The following C5 variants were observed in gnomAD, a reference collection of about 807,000 sequenced individuals.
C5 encodes complement C5, also known as C3 and PZP-like alpha-2-macroglobulin domain-containing protein 4.
A neutral mutation model predicts 218.8 loss-of-function variants in C5; 140 were observed. That is an observed-to-expected ratio of 0.64 (90% confidence interval 0.56 to 0.74). C5 has a LOEUF of 0.74. Ranked by LOEUF, C5 falls within the 30% of genes least tolerant of loss-of-function variation. C5 has a pLI of 0.00. For missense variants in C5, 1,700 were observed against 1,969.6 expected (o/e 0.86, Z 2.59); for synonymous variants, 614 against 682.3 (o/e 0.90, Z 1.56).
intron 1 of C5, among the ~76,000 whole-genome samples, chr9:121,049,067 C>T (rs1256490098): frequency 2.6e-5 from 4 of 152,278 alleles, no homozygotes; most frequent in Admixed American, 1.3e-4. Flanking sequence ...TTACCGTTTG[C>T]TATATCTGCA....
intron 19 of C5, 78 bp from the exon 20 acceptor site, chr9:121,006,136 C>G (rs542639435): frequency 6.8e-7 from 1 of 1,460,488 alleles, no homozygotes; most frequent in Non-Finnish European, 9.6e-7. Context: ...AAATTTCTCA[C>G]ATTTGCTTTA....
chr9:121,000,398 T>A (rs1978270), intron 20 of C5, among the ~76,000 whole-genome samples: 87,624 of 151,998 alleles, frequency 0.58, 26,003 homozygotes, highest in East Asian at 0.81. Context: ...TGCCTAATAG[T>A]TATACAATAT....
chr9:120,983,766 C>T (rs940637202), intron 25 of C5, among the ~76,000 whole-genome samples: 1 of 151,934 alleles, frequency 6.6e-6, no homozygotes, highest in African/African-American at 2.4e-5. Flanking sequence ...AAGCTGAGAT[C>T]CTGCCACTGC....
chr9:121,013,957 T>G lies in C5; in HGVS notation c.2173A>C (p.Ile725Leu), dbSNP rs766583399. 1.1e-5 allele frequency: 18 copies of G among 1,614,092 alleles called. No individual in the cohort carries two copies. The highest frequency in any genetic ancestry group is 8.0e-5 in the African/African-American group (6 of 74,936). The change falls in exon 17 of 41, where the codon ATC becomes CTC. Residue 725 changes from isoleucine (I) to leucine (L), a missense_variant. Ile to Leu is a conservative substitution (Grantham distance 5). Coordinates refer to ENST00000223642, the MANE Select transcript of C5 (RefSeq NM_001735.3). Reference protein sequence around the residue: ...AARISLGPRCIKAFTECCVVA... With the variant: ...AARISLGPRCLKAFTECCVVA... ...ACACAACATTCAGTGAAAGCTTTGA[T>G]GCATCTTGGCCCTAAACTAATCCGT...
intron 5 of C5, among the ~76,000 whole-genome samples, chr9:121,033,038 GTATGTA>G (rs1467054820): frequency 2.4e-4 from 36 of 151,088 alleles, no homozygotes; most frequent in Non-Finnish European, 5.0e-4. Flanking sequence ...GTGTGTGTGT[GTATGTA>G]TGTATATATG....
At chr9:121,053,491 C>T (rs959149379), upstream of C5, among the ~76,000 whole-genome samples, 1 of 152,116 alleles carries the variant, frequency 6.6e-6, no homozygotes, top group Admixed American at 6.5e-5. Flanking sequence ...AGAACCCCCC[C>T]CGAGATAGTT....
chr9:120,995,151 C>G (rs1198480674), intron 22 of C5, among the ~76,000 whole-genome samples: 1 of 152,210 alleles, frequency 6.6e-6, no homozygotes, highest in Non-Finnish European at 1.5e-5. Flanking sequence ...TGAAATAACA[C>G]TCCTCAGTTC....
rs1280103829 is a variant in C5 at position 120,981,997 on chromosome 9, C to A, written c.3391-58G>T. The A allele has an allele frequency of 7.3e-5, 80 of 1,102,536 alleles. No individual in the cohort carries two copies. In the South Asian group the frequency reaches 9.3e-4, roughly 13 times the overall value. The allele number at this position is 1,102,536 out of a possible 1,614,324, so 68.3% of individuals were successfully genotyped here. A position where few individuals can be genotyped will look rare whatever the true frequency, so the allele number is the denominator to read the frequency against. ...AAATGGTGTCTTTAAGGCGAAATGA[C>A]CTGATTCTACTCTGTTTTTTGTTTG... On this transcript the variant is annotated intron_variant, in intron 26 of 40. Transcript: ENST00000223642.
chr9:120,995,125 C>T (rs1201664915), intron 22 of C5, among the ~76,000 whole-genome samples: 1 of 152,082 alleles, frequency 6.6e-6, no homozygotes, highest in African/African-American at 2.4e-5. Flanking sequence ...ATGGATTTTA[C>T]TTTTTATTGC....
the C5 span, among the ~76,000 whole-genome samples, chr9:121,072,487 A>G: frequency 5.3e-5 from 8 of 152,172 alleles, no homozygotes; most frequent in Non-Finnish European, 7.3e-5. Context: ...AATCTAATAA[A>G]TATCACCTGA....
intron 28 of C5, 21 bp from the exon 29 acceptor site, chr9:120,976,926 T>C (rs182897510): frequency 3.9e-4 from 615 of 1,576,466 alleles, no homozygotes; most frequent in Admixed American, 1.8e-3. Context: ...ACAAATTCCA[T>C]TCATTAATAT....
intron 31 of C5, 27 bp from the exon 32 acceptor site, chr9:120,970,278 G>T: frequency 6.7e-7 from 1 of 1,494,116 alleles, no homozygotes. Context: ...TAAGCAAGAA[G>T]ATTCTATTTA....
chr9:120,964,642 T>C (rs1274773011), intron 33 of C5, among the ~76,000 whole-genome samples: 1 of 152,192 alleles, frequency 6.6e-6, no homozygotes, highest in East Asian at 1.9e-4. Context: ...GGAATTCTGC[T>C]AGTAGGAATT....
intron 33 of C5, among the ~76,000 whole-genome samples, chr9:120,965,661 C>T (rs919789935): frequency 2.6e-5 from 4 of 152,186 alleles, no homozygotes; most frequent in African/African-American, 9.7e-5. Flanking sequence ...CTATTCTTCA[C>T]CAAATTAACA....
At chr9:121,040,495 G>A (rs2047568271) in intron 3 of C5, among the ~76,000 whole-genome samples, 1 of 152,164 alleles carries the variant, frequency 6.6e-6, no homozygotes, top group Non-Finnish European at 1.5e-5. Flanking sequence ...CAGATTAAAT[G>A]TGTTGATCGG....
chr9:120,997,313 G>T (rs1173985973), intron 21 of C5, among the ~76,000 whole-genome samples: 2 of 152,000 alleles, frequency 1.3e-5, no homozygotes, highest in African/African-American at 4.8e-5. Context: ...TCGTTTTTCA[G>T]TATTTTATAT....
chr9:120,963,246 G>A (rs41312907), intron 34 of C5, among the ~76,000 whole-genome samples: 17,047 of 152,222 alleles, frequency 0.11, 1,454 homozygotes, highest in African/African-American at 0.24. Context: ...GCTCACGCCT[G>A]TAATCCCAGC....
rs1351125826 is a variant in C5 at position 120,996,458 on chromosome 9, A to C, written c.2791-158T>G. 2.6e-5 allele frequency among the ~76,000 whole-genome samples: 4 copies of C among 152,366 alleles called. No homozygotes were observed. In the East Asian group the frequency reaches 7.7e-4, roughly 29 times the overall value. On this transcript the variant is annotated intron_variant, in intron 21 of 40. Coordinates refer to ENST00000223642, the MANE Select transcript of C5 (RefSeq NM_001735.3). Reference sequence around the variant, plus strand: ...ACTTACATGGATATAAGCAGCAATAAGATTTTATGGCTATTTGCATATTGA... The same window carrying C: ...ACTTACATGGATATAAGCAGCAATACGATTTTATGGCTATTTGCATATTGA...
chr9:120,991,200 T>C lies in C5; in HGVS notation c.2932A>G (p.Ser978Gly), dbSNP rs749287526. ...GCATTTGTTAATTTACCTTTTACAC[T>C]CAAAATCCTTTTGATTTCTGTTTTG... Reference protein sequence around the residue: ...VPKTEIKRILSVKGLLVGEIL... With the variant: ...VPKTEIKRILGVKGLLVGEIL... The change falls in exon 23 of 41, where the codon AGT becomes GGT. Residue 978 changes from serine (S) to glycine (G), a missense_variant. Physicochemically the swap from Ser to Gly is moderately conservative, Grantham distance 56. Coordinates refer to ENST00000223642, the MANE Select transcript of C5 (RefSeq NM_001735.3). 1 of 1,592,402 alleles carries C rather than the reference T, an allele frequency of 6.3e-7. No individual in the cohort carries two copies.
Sources: gnomAD v4.1 joint callset for allele counts (sites outside exome capture counted in the v4.1 genomes callset) on GRCh38, gnomAD v4.1.1 for gene constraint, MANE v1.5 for transcripts, NCBI Gene and HGNC (gene_info 2026-07-23, HGNC 2026-07-21) for gene names.